The following LDLRAD3 variants were observed in gnomAD, a reference collection of about 807,000 sequenced individuals.
LDLRAD3 encodes the protein low density lipoprotein receptor class A domain containing 3.
A neutral mutation model predicts 29.4 loss-of-function variants in LDLRAD3; 20 were observed. That is an observed-to-expected ratio of 0.68 (90% CI 0.48 to 0.99). The LOEUF (loss-of-function observed/expected upper bound fraction) is 0.99, where lower values mean the gene tolerates loss of function less well. LDLRAD3 is among the 50% of genes least tolerant of loss of function. LDLRAD3 has a pLI of 0.00. For missense variants in LDLRAD3, 420 were observed against 454.3 expected, an observed-to-expected ratio of 0.92 and a Z score of 0.69; for synonymous variants, 157 against 192.7, an observed-to-expected ratio of 0.81 and a Z score of 1.53.
At chr11:35,956,198 A>G (rs914247996) in intron 1 of LDLRAD3, among the ~76,000 whole-genome samples, 19 of 152,192 alleles carry the variant, frequency 1.2e-4, no homozygotes, top group African/African-American at 3.4e-4. Context: ...AAATTATTCG[A>G]TAACAGAGCT....
intron 3 of LDLRAD3, among the ~76,000 whole-genome samples, chr11:36,088,371 G>A (rs1328958147): frequency 6.6e-6 from 1 of 152,086 alleles, no homozygotes; most frequent in Admixed American, 6.5e-5. Context: ...AAACGGCAGG[G>A]TTTCTGGGGG....
At chr11:36,067,856 G>C (rs962874292) in intron 2 of LDLRAD3, among the ~76,000 whole-genome samples, 3 of 152,038 alleles carry the variant, frequency 2.0e-5, no homozygotes, top group Non-Finnish European at 4.4e-5. Context: ...TTTTTGTAGA[G>C]ATAAGGTTTC....
intron 4 of LDLRAD3, among the ~76,000 whole-genome samples, chr11:36,156,261 G>A (rs1398956935): frequency 6.6e-6 from 1 of 152,216 alleles, no homozygotes; most frequent in Non-Finnish European, 1.5e-5. Context: ...ATCCAAAGCA[G>A]CTTGTGATTC....
chr11:36,001,758 CGTGT>C (rs3220787), intron 1 of LDLRAD3, among the ~76,000 whole-genome samples: 23,612 of 148,266 alleles, frequency 0.16, 2,903 homozygotes, highest in African/African-American at 0.35. Flanking sequence ...ATATTGTATA[CGTGT>C]GTGTGTGTGT....
In LDLRAD3 at chr11:36,119,476, A is replaced by G. The variant is rs529364443; in HGVS notation, c.454+21015A>G. Among the ~76,000 whole-genome samples, 7 of 150,026 alleles carry G rather than the reference A, an allele frequency of 4.7e-5. No individual in the cohort carries two copies. The South Asian group carries it at 1.1e-3, about 23-fold the overall frequency. On this transcript the variant is annotated intron_variant, in intron 4 of 5. Transcript: ENST00000315571. ...TGCATGAAGGTTCTGACTTCTCTAC[A>G]TCCTCACCAGCACTTATTATTCTCT...
chr11:36,215,197 A>G (rs897515931), intron 4 of LDLRAD3, among the ~76,000 whole-genome samples: 6 of 152,216 alleles, frequency 3.9e-5, no homozygotes, highest in African/African-American at 1.4e-4. Context: ...AAGGAGGCCA[A>G]CGGGTCTGCA....
chr11:36,038,463 A>G (rs1403532741), intron 2 of LDLRAD3, among the ~76,000 whole-genome samples: 1 of 152,206 alleles, frequency 6.6e-6, no homozygotes, highest in African/African-American at 2.4e-5. Context: ...TGTTTGGCAC[A>G]TGATCAGTTT....
chr11:36,062,576 T>C (rs891583154), intron 2 of LDLRAD3, among the ~76,000 whole-genome samples: 1 of 152,160 alleles, frequency 6.6e-6, no homozygotes, highest in Non-Finnish European at 1.5e-5. Context: ...CATCTTGAAT[T>C]GTAGTTCCCA....
intron 1 of LDLRAD3, among the ~76,000 whole-genome samples, chr11:35,959,689 A>C (rs263085): frequency 0.15 from 23,393 of 152,084 alleles, 3,746 homozygotes; most frequent in African/African-American, 0.41. Context: ...TGGGAGGCTG[A>C]GGCTGGTGGA....
At chr11:36,093,427 G>GT (rs957771276) in intron 3 of LDLRAD3, among the ~76,000 whole-genome samples, 36 of 149,732 alleles carry the variant, frequency 2.4e-4, no homozygotes, top group East Asian at 9.7e-4. Context: ...TCCCATTAAG[G>GT]TTTTTTTTTT....
chr11:36,113,145 G>C (rs1853628271), intron 4 of LDLRAD3, among the ~76,000 whole-genome samples: 1 of 152,076 alleles, frequency 6.6e-6, no homozygotes, highest in African/African-American at 2.4e-5. Context: ...TCTCACATTA[G>C]GTTCTTAATG....
chr11:36,100,446 G>C (rs972159913), intron 4 of LDLRAD3, among the ~76,000 whole-genome samples: 34 of 152,062 alleles, frequency 2.2e-4, no homozygotes, highest in Non-Finnish European at 3.8e-4. Context: ...TTCTTTTTTT[G>C]GGGGGATGGC....
At position 36,098,902 on chromosome 11, in the gene LDLRAD3, T is replaced by C. The variant is rs562034174; in HGVS notation, c.454+441T>C. 1.8e-4 allele frequency among the ~76,000 whole-genome samples: 27 copies of C among 152,292 alleles called. No individual in the cohort carries two copies. The East Asian group carries it at 5.0e-3, about 28-fold the overall frequency. On this transcript the variant is annotated intron_variant, in intron 4 of 5. Transcript: ENST00000315571. ...TGCAGCTGTGTTTTTTTTTCTTTTT[T>C]AAGTTTACATTGCTGACATCATTGT... is the stretch of plus-strand genomic sequence containing the variant.
At chr11:36,007,646 A>G (rs1200284826) in intron 1 of LDLRAD3, among the ~76,000 whole-genome samples, 1 of 152,224 alleles carries the variant, frequency 6.6e-6, no homozygotes, top group Admixed American at 6.5e-5. Context: ...CAAAACTGTT[A>G]GAACAGAAAT....
At chr11:36,016,300 TCCAAGTGA>T in intron 1 of LDLRAD3, among the ~76,000 whole-genome samples, 1 of 152,256 alleles carries the variant, frequency 6.6e-6, no homozygotes, top group African/African-American at 2.4e-5. Context: ...CACAGGTTTC[TCCAAGTGA>T]TTCCTTGTTC....
intron 4 of LDLRAD3, among the ~76,000 whole-genome samples, chr11:36,189,769 T>C (rs1590342456): frequency 6.6e-6 from 1 of 150,986 alleles, no homozygotes; most frequent in Non-Finnish European, 1.5e-5. Flanking sequence ...TGATGTTCCA[T>C]TTCCTGTGTC....
At chr11:36,207,535 A>C (rs539547304) in intron 4 of LDLRAD3, among the ~76,000 whole-genome samples, 1 of 152,258 alleles carries the variant, frequency 6.6e-6, no homozygotes, top group South Asian at 2.1e-4. Context: ...CTGGGGTCCC[A>C]GCTACTCAGG....
intron 1 of LDLRAD3, among the ~76,000 whole-genome samples, chr11:35,961,933 A>T (rs1292316345): frequency 2.0e-5 from 3 of 152,116 alleles, no homozygotes; most frequent in Admixed American, 2.0e-4. Flanking sequence ...TAAAATGTAC[A>T]ATGAGGATAT....
At chr11:36,063,488 T>C (rs1207055050) in intron 2 of LDLRAD3, among the ~76,000 whole-genome samples, 2 of 152,224 alleles carry the variant, frequency 1.3e-5, no homozygotes, top group African/African-American at 4.8e-5. Context: ...GGACATTTCA[T>C]ATAATGGAAT....
Sources: gnomAD v4.1 joint callset for allele counts (sites outside exome capture counted in the v4.1 genomes callset) on GRCh38, gnomAD v4.1.1 for gene constraint, MANE v1.5 for transcripts, NCBI Gene and HGNC (gene_info 2026-07-23, HGNC 2026-07-21) for gene names.